The following PDE1C variants were observed in gnomAD, a reference collection of about 807,000 sequenced individuals.
PDE1C encodes phosphodiesterase 1C.
In PDE1C, 62 loss-of-function variants were observed where a neutral mutation model predicts 93.1. The ratio of observed to expected loss-of-function variants is 0.67; its 90% CI spans 0.54 to 0.82. The LOEUF (loss-of-function observed/expected upper bound fraction) is 0.82. PDE1C is among the 40% of genes least tolerant of loss of function. The pLI is 0.00. For synonymous variants in PDE1C, 325 were observed against 310.1 expected (o/e 1.05, Z -0.50); for missense variants, 742 against 884.6 (o/e 0.84, Z 2.04).
chr7:32,157,753 A>G (rs1035754705), intron 3 of PDE1C, among the ~76,000 whole-genome samples: 3 of 152,220 alleles, frequency 2.0e-5, no homozygotes, highest in African/African-American at 4.8e-5. Flanking sequence ...TTTGGGGGGA[A>G]AAATGGATAG....
chr7:32,282,084 C>A (rs996241692), intron 1 of PDE1C, among the ~76,000 whole-genome samples: 1 of 151,192 alleles, frequency 6.6e-6, no homozygotes, highest in Admixed American at 6.6e-5. Context: ...GTGCAGCAAA[C>A]CAACACGGCA....
chr7:31,641,908 A>G, the PDE1C span, among the ~76,000 whole-genome samples: 1 of 151,948 alleles, frequency 6.6e-6, no homozygotes, highest in East Asian at 1.9e-4. Flanking sequence ...TCACAACCAT[A>G]TTGTTATTTG....
At chr7:32,205,845 CT>C (rs988974126) in intron 2 of PDE1C, among the ~76,000 whole-genome samples, 1 of 152,150 alleles carries the variant, frequency 6.6e-6, no homozygotes, top group African/African-American at 2.4e-5. Context: ...AGCTTCACCC[CT>C]GGAGTCATTA....
intron 1 of PDE1C, among the ~76,000 whole-genome samples, chr7:32,253,293 T>C (rs1809524854): frequency 6.6e-6 from 1 of 152,234 alleles, no homozygotes; most frequent in African/African-American, 2.4e-5. Context: ...GCAGTCCTTA[T>C]TAAACACCAC....
At chr7:32,100,860 A>AG (rs1163023868) in intron 3 of PDE1C, among the ~76,000 whole-genome samples, 4 of 152,266 alleles carry the variant, frequency 2.6e-5, no homozygotes, top group Middle Eastern at 6.8e-3. Context: ...AGTGTGCCAG[A>AG]GGAAAAAAAA....
the PDE1C span, among the ~76,000 whole-genome samples, chr7:31,662,703 T>C: frequency 6.6e-6 from 1 of 152,318 alleles, no homozygotes; most frequent in Admixed American, 6.5e-5. Context: ...TATCCAGAAT[T>C]CCAAGAATTA....
intron 3 of PDE1C, among the ~76,000 whole-genome samples, chr7:32,147,387 A>C (rs1334127188): frequency 6.6e-6 from 1 of 152,192 alleles, no homozygotes; most frequent in African/African-American, 2.4e-5. Flanking sequence ...TTTGGGAAAA[A>C]TATCAGTGGC....
At chr7:32,418,567 C>A (rs2128099142) in intron 1 of PDE1C, among the ~76,000 whole-genome samples, 1 of 152,182 alleles carries the variant, frequency 6.6e-6, no homozygotes, top group East Asian at 1.9e-4. Context: ...TGACAATAAT[C>A]AGATATGGGA....
chr7:32,145,684 C>T (rs1800793342), intron 3 of PDE1C, among the ~76,000 whole-genome samples: 1 of 151,710 alleles, frequency 6.6e-6, no homozygotes, highest in Admixed American at 6.6e-5. Flanking sequence ...AAAATAGTGC[C>T]TTGAATTTTA....
At chr7:32,247,491 C>T (rs972025065) in intron 1 of PDE1C, among the ~76,000 whole-genome samples, 1 of 121,922 alleles carries the variant, frequency 8.2e-6, no homozygotes, top group African/African-American at 3.1e-5. Flanking sequence ...TGGGATAAAA[C>T]TTGGCCTGGA....
chr7:32,237,624 T>C (rs78593703), intron 1 of PDE1C, among the ~76,000 whole-genome samples: 24,721 of 150,648 alleles, frequency 0.16, 2,216 homozygotes, highest in East Asian at 0.29. Context: ...AGGAGAAAAC[T>C]TCTGATCAAG....
chr7:31,875,584 T>C (rs1267986816), intron 5 of PDE1C, among the ~76,000 whole-genome samples: 1 of 151,700 alleles, frequency 6.6e-6, no homozygotes, highest in Non-Finnish European at 1.5e-5. Flanking sequence ...ACACTTCCTG[T>C]AGAGAAATTG....
At chr7:32,189,216 A>C (rs1804071947) in intron 2 of PDE1C, among the ~76,000 whole-genome samples, 1 of 152,214 alleles carries the variant, frequency 6.6e-6, no homozygotes, top group South Asian at 2.1e-4. Context: ...AGATGTACAA[A>C]AGATTAAAGG....
rs1388010191 is a variant in PDE1C at position 32,198,301 on chromosome 7, T to C, written c.136+11188A>G. Among the ~76,000 whole-genome samples the C allele has an allele frequency of 1.3e-5, 2 of 152,242 alleles. 1 individual carries two copies. ...ATTATTCAATTTGACTTCTGGCTTC[T>C]AAATAAACTATTGGGAAGTCTACAG... On this transcript the variant is annotated intron_variant, in intron 2 of 18. Transcript: ENST00000396193.
intron 1 of PDE1C, chr7:32,209,573 A>T (rs1300907490): frequency 6.5e-7 from 1 of 1,526,774 alleles, no homozygotes; most frequent in African/African-American, 1.4e-5. Flanking sequence ...ATTTAAATAA[A>T]TAAAGCAATG....
the PDE1C span, among the ~76,000 whole-genome samples, chr7:31,659,082 T>C: frequency 1.3e-5 from 2 of 152,342 alleles, no homozygotes; most frequent in Middle Eastern, 6.8e-3. Context: ...TATTTGGGGA[T>C]ATTTTATAAC....
intron 2 of PDE1C, among the ~76,000 whole-genome samples, chr7:32,206,434 G>A (rs1584957089): frequency 6.6e-6 from 1 of 152,062 alleles, no homozygotes; most frequent in African/African-American, 2.4e-5. Flanking sequence ...TAGAGAGGAG[G>A]GTTTTTAGGG....
chr7:31,636,490 T>C, the PDE1C span, among the ~76,000 whole-genome samples: 1 of 152,188 alleles, frequency 6.6e-6, no homozygotes, highest in Non-Finnish European at 1.5e-5. Context: ...AAGTCTTGCA[T>C]CAAAACATAT....
chr7:31,822,980 T>C lies in PDE1C; in HGVS notation c.1582+93A>G, dbSNP rs1462701846. 6.8e-6 allele frequency: 7 copies of C among 1,035,072 alleles called. No homozygotes were observed. In the East Asian group the frequency reaches 1.8e-4, roughly 27 times the overall value. The allele number at this position is 1,035,072 out of a possible 1,614,324, so 64.1% of individuals were successfully genotyped here. A position where few individuals can be genotyped will look rare whatever the true frequency, so the allele number is the denominator to read the frequency against. The stretch of plus-strand genomic sequence containing the variant: ...TATTCGGCAATTTGAATCTGCATCC[T>C]GAGCAACTGTGCTTTATTTGTAACA... On this transcript the variant is annotated intron_variant, in intron 14 of 17. Transcript: ENST00000396191.
Sources: gnomAD v4.1 joint callset for allele counts (sites outside exome capture counted in the v4.1 genomes callset) on GRCh38, gnomAD v4.1.1 for gene constraint, MANE v1.5 for transcripts, NCBI Gene and HGNC (gene_info 2026-07-23, HGNC 2026-07-21) for gene names.